PCDH8: variants seen among roughly 807,000 people sequenced by gnomAD.
The protein encoded by PCDH8 is protocadherin-8.
In PCDH8, 36 loss-of-function variants were observed where a neutral mutation model predicts 58.2. That is an observed-to-expected ratio of 0.62 (90% CI 0.47 to 0.82). The LOEUF (loss-of-function observed/expected upper bound fraction) is 0.82, where lower values mean the gene tolerates loss of function less well. Among genes scored for constraint, PCDH8 ranks in the 40% least tolerant of loss-of-function variants. The probability of loss-of-function intolerance (pLI) is 0.00; values close to 1 mark genes in which losing one functional copy is unlikely to be tolerated. For synonymous variants in PCDH8, 775 were observed against 728.9 expected, an observed-to-expected ratio of 1.06 and a Z score of -1.02; for missense variants, 1,493 against 1,567.8, an observed-to-expected ratio of 0.95 and a Z score of 0.81.
Position 52,845,894 on chromosome 13 carries a change from T to C in PCDH8, c.2543A>G (p.Glu848Gly). 6.7e-7 allele frequency: 1 copy of C among 1,483,786 alleles called. No individual in the cohort carries two copies. Among genetic ancestry groups the C allele is most frequent in the Non-Finnish European group, 8.9e-7 (1 of 1,128,460 alleles). The allele number at this position is 1,483,786 out of a possible 1,614,324, so 91.9% of individuals were successfully genotyped here. A position where few individuals can be genotyped will look rare whatever the true frequency, so the allele number is the denominator to read the frequency against. Reference protein sequence around the residue: ...DAPPPAVAAAEVPGSEGGSAT... With the variant: ...DAPPPAVAAAGVPGSEGGSAT... ...GCTGCCGCCCTCTGAGCCCGGCACT[T>C]CGGCCGCGGCGACCGCAGGCGGAGG... The change falls in exon 1 of 3, where the codon GAA becomes GGA. Residue 848 changes from glutamate to glycine, a missense_variant. Around this residue, in one of 3 missense-constraint regions of PCDH8, gnomAD observed 1,307 missense variants for 1,362.7 expected, o/e 0.96. Transcript: ENST00000377942.
chr13:52,846,625 G>A lies in PCDH8; in HGVS notation c.1812C>T (p.Asp604=). The change falls in exon 1 of 3, where the codon GAC becomes GAT. Residue 604 remains aspartate (D), a synonymous_variant. Coordinates refer to ENST00000377942, the MANE Select transcript of PCDH8 (RefSeq NM_002590.4). ...LVQVRVLDQN[D]HAPVLVHPAP... is the part of the protein sequence containing the mutation. ...CCGGGTGCACCAGGACTGGCGCATG[G>A]TCGTTCTGGTCCAGCACGCGCACTT... The A allele has an allele frequency of 6.2e-7, 1 of 1,605,158 alleles. No individual in the cohort carries two copies. Among genetic ancestry groups the A allele is most frequent in the Non-Finnish European group, 8.5e-7 (1 of 1,178,450 alleles).
chr13:52,847,891 G>T lies in PCDH8; in HGVS notation c.546C>A (p.Arg182=). The change falls in exon 1 of 3, where the codon CGC becomes CGA. Residue 182 remains arginine, a synonymous_variant. Coordinates refer to ENST00000377942, the MANE Select transcript of PCDH8 (RefSeq NM_002590.4). ...CGTCCGCTCGCGTCTGCAGCTCCAC[G>T]CGAAAGGGGCTGTGCGGCTCGGCCA... ...VRLAEPHSPF[R]VELQTRADGA... is the part of the protein sequence containing the mutation. 6.4e-7 allele frequency: 1 copy of T among 1,560,288 alleles called. No individual in the cohort carries two copies. The highest frequency in any genetic ancestry group is 8.6e-7 in the Non-Finnish European group (1 of 1,157,988).
chr13:52,845,236 A>AG (rs1382816701), intron 2 of PCDH8, among the ~76,000 whole-genome samples, 189 bp downstream of exon 2: 2 of 152,134 alleles, frequency 1.3e-5, no homozygotes, highest in Non-Finnish European at 2.9e-5. Context: ...TTTATTCAAG[A>AG]GCTGGAGTTG....
chr13:52,844,761 G>A lies in PCDH8; in HGVS notation c.3012C>T (p.Tyr1004=). 6.2e-7 allele frequency: 1 copy of A among 1,613,496 alleles called. No individual in the cohort carries two copies. The highest frequency in any genetic ancestry group is 1.3e-5 in the African/African-American group (1 of 75,026). ...PRDPLRRDNY[Y]QAQLPKTVGL... The stretch of plus-strand genomic sequence containing the variant: ...CCACTGTCTTGGGCAGCTGGGCCTG[G>A]TAGTAATTGTCCCTGCGCAGAGGAT... Residue 1004 remains tyrosine (Y), a synonymous_variant, in exon 3 of 3, where the codon TAC becomes TAT. Transcript: ENST00000377942.
chr13:52,846,973 G>A lies in PCDH8; in HGVS notation c.1464C>T (p.Gly488=), dbSNP rs1452500047. 6.3e-7 allele frequency: 1 copy of A among 1,594,410 alleles called. No homozygotes were observed. Among genetic ancestry groups the A allele is most frequent in the Non-Finnish European group, 8.5e-7 (1 of 1,173,528 alleles). ...RTVRPYTVRV[G]DENDNAPLFT... Reference sequence around the variant, plus strand: ...AGAGCGGCGCGTTGTCGTTCTCGTCGCCCACACGCACCGTGTAGGGCCGCA... The same window carrying A: ...AGAGCGGCGCGTTGTCGTTCTCGTCACCCACACGCACCGTGTAGGGCCGCA... The change falls in exon 1 of 3, where the codon GGC becomes GGT. Residue 488 remains glycine, a synonymous_variant. Transcript: ENST00000377942.
Position 52,847,303 on chromosome 13 carries a change from T to TGCAGCG in PCDH8, c.1128_1133dup (p.Ala377_Ala378dup). On this transcript the variant is annotated inframe_insertion, in exon 1 of 3. Coordinates refer to ENST00000377942, the MANE Select transcript of PCDH8 (RefSeq NM_002590.4). ...GCGAGCTAGCGTCCGCTCCCCCGAG[T>TGCAGCG]GCAGCGGCGGCGGCGGCAGCGGCGA... is the stretch of plus-strand genomic sequence containing the variant. 1 of 1,403,496 alleles carries TGCAGCG rather than the reference T, an allele frequency of 7.1e-7. No individual in the cohort carries two copies. Among genetic ancestry groups the TGCAGCG allele is most frequent in the African/African-American group, 1.5e-5 (1 of 66,954 alleles). The allele number at this position is 1,403,496 out of a possible 1,614,324, so 86.9% of individuals were successfully genotyped here. A position where few individuals can be genotyped will look rare whatever the true frequency, so the allele number is the denominator to read the frequency against.
chr13:52,846,795 C>A lies in PCDH8; in HGVS notation c.1642G>T (p.Val548Leu). 1.3e-6 allele frequency: 2 copies of A among 1,553,036 alleles called. No homozygotes were observed. The highest frequency in any genetic ancestry group is 1.7e-6 in the Non-Finnish European group (2 of 1,156,184). Residue 548 changes from valine (V) to leucine (L), a missense_variant, in exon 1 of 3, where the codon GTG becomes TTG. Val to Leu is a conservative substitution (Grantham distance 32). Around this residue, in one of 3 missense-constraint regions of PCDH8, gnomAD observed 1,307 missense variants for 1,362.7 expected, o/e 0.96. Coordinates refer to ENST00000377942, the MANE Select transcript of PCDH8 (RefSeq NM_002590.4). Reference protein sequence around the residue: ...EAEVGRAGGAVSTYVSVDPAT... With the variant: ...EAEVGRAGGALSTYVSVDPAT... ...GGGTCCACCGAGACATAAGTGGACA[C>A]GGCGCCCCCGGCGCGGCCCACCTCG...
At position 52,846,465 on chromosome 13, in the gene PCDH8, G is replaced by A. The variant is rs918552075; in HGVS notation, c.1972C>T (p.Pro658Ser). 8.8e-6 allele frequency: 14 copies of A among 1,598,670 alleles called. No individual in the cohort carries two copies. Among genetic ancestry groups the A allele is most frequent in the Non-Finnish European group, 1.2e-5 (14 of 1,179,366 alleles). ...CGGCCGATGGCGAAGGCTTCGCGCG[G>A]CTCCTGCTGCTGCAGCTCGAACGCC... The part of the protein sequence containing the change: ...ELAFELQQQE[P>S]REAFAIGRRT... The change falls in exon 1 of 3, where the codon CCG (proline) becomes TCG (serine). Residue 658 changes from proline (P) to serine (S), a missense_variant. Around this residue, in one of 3 missense-constraint regions of PCDH8, gnomAD observed 1,307 missense variants for 1,362.7 expected, o/e 0.96. Coordinates refer to ENST00000377942, the MANE Select transcript of PCDH8 (RefSeq NM_002590.4).
chr13:52,847,451 C>A lies in PCDH8; in HGVS notation c.986G>T (p.Arg329Leu). 2 of 1,587,620 alleles carry A rather than the reference C, an allele frequency of 1.3e-6. No individual in the cohort carries two copies. The highest frequency in any genetic ancestry group is 2.3e-5 in the South Asian group (2 of 88,778). Residue 329 changes from arginine (R) to leucine (L), a missense_variant, in exon 1 of 3, where the codon CGC becomes CTC. Arg to Leu is a moderately radical substitution (Grantham distance 102, BLOSUM62 -2). Transcript: ENST00000377942. The part of the protein sequence containing the change: ...TYELDVRAQD[R>L]GPGPRAATCK... ...GGTGGCAGCGCGGGGCCCGGGTCCG[C>A]GGTCCTGCGCCCGCACGTCCAGCTC...
rs1467507441 is a variant in PCDH8 at position 52,846,769 on chromosome 13, T to C, written c.1668A>G (p.Pro556=). 8.3e-6 allele frequency: 13 copies of C among 1,570,230 alleles called. No homozygotes were observed. The highest frequency in any genetic ancestry group is 1.1e-5 in the Non-Finnish European group (13 of 1,166,062). Reference sequence around the variant, plus strand: ...GCAGCGCGTAGATGGCTCCGGTAGCTGGGTCCACCGAGACATAAGTGGACA... The same window carrying C: ...GCAGCGCGTAGATGGCTCCGGTAGCCGGGTCCACCGAGACATAAGTGGACA... ...GAVSTYVSVD[P]ATGAIYALRS... The change falls in exon 1 of 3, where the codon CCA becomes CCG. Residue 556 remains proline (P), a synonymous_variant. Coordinates refer to ENST00000377942, the MANE Select transcript of PCDH8 (RefSeq NM_002590.4).
Position 52,845,914 on chromosome 13 carries a change from C to G in PCDH8, c.2523G>C (p.Pro841=). Residue 841 remains proline, a synonymous_variant, in exon 1 of 3, where the codon CCG becomes CCC. Coordinates refer to ENST00000377942, the MANE Select transcript of PCDH8 (RefSeq NM_002590.4). ...PFGSPAADAP[P]PAVAAAEVPG... Reference sequence around the variant, plus strand: ...GCACTTCGGCCGCGGCGACCGCAGGCGGAGGCGCGTCCGCCGCGGGGCTGC... The same window carrying G: ...GCACTTCGGCCGCGGCGACCGCAGGGGGAGGCGCGTCCGCCGCGGGGCTGC... 8 of 1,477,202 alleles carry G rather than the reference C, an allele frequency of 5.4e-6. No individual in the cohort carries two copies. Among genetic ancestry groups the G allele is most frequent in the Non-Finnish European group, 7.1e-6 (8 of 1,126,304 alleles). 91.5% of individuals were successfully genotyped at this position (1,477,202 alleles called of 1,614,324 possible).
In PCDH8 at chr13:52,846,228, G is replaced by A. The variant is rs1168083626; in HGVS notation, c.2209C>T (p.Leu737Phe). The A allele has an allele frequency of 6.3e-7, 1 of 1,585,710 alleles. No individual in the cohort carries two copies. The highest frequency in any genetic ancestry group is 8.5e-7 in the Non-Finnish European group (1 of 1,173,160). The change falls in exon 1 of 3, where the codon CTC (leucine) becomes TTC (phenylalanine). Residue 737 changes from leucine (L) to phenylalanine (F), a missense_variant. Leu to Phe is a conservative substitution (Grantham distance 22). Coordinates refer to ENST00000377942, the MANE Select transcript of PCDH8 (RefSeq NM_002590.4). ...PERSRPPGSR[L>F]GVSGSVLQWD... The stretch of plus-strand genomic sequence containing the variant: ...TGCAGCACCGACCCGGACACCCCGA[G>A]CCGAGAGCCAGGCGGGCGGGAACGC...
At position 52,846,391 on chromosome 13, in the gene PCDH8, G is replaced by A; in HGVS notation, c.2046C>T (p.Pro682=). 1.3e-6 allele frequency: 2 copies of A among 1,593,120 alleles called. No homozygotes were observed. The highest frequency in any genetic ancestry group is 8.5e-7 in the Non-Finnish European group (1 of 1,172,864). The change falls in exon 1 of 3, where the codon CCC becomes CCT. Residue 682 remains proline, a synonymous_variant. Transcript: ENST00000377942. ...LLTGDLSQEP[P]GRVFRALLVI... ...CCAGGAGCGCCCTGAACACGCGACC[G>A]GGTGGCTCCTGCGAGAGGTCGCCGG...
rs755906170 is a variant in PCDH8, at chr13:52,847,624, G to A, written c.813C>T (p.Ala271=). 10 of 1,575,200 alleles carry A rather than the reference G, an allele frequency of 6.3e-6. No individual in the cohort carries two copies. Among genetic ancestry groups the A allele is most frequent in the Non-Finnish European group, 8.6e-6 (10 of 1,169,450 alleles). Reference sequence around the variant, plus strand: ...CGCCGTTAGGTCCCTCGTCGGGGTCGGCTGCGTCCAGGTCGAGAAGCAGGG... The same window carrying A: ...CGCCGTTAGGTCCCTCGTCGGGGTCAGCTGCGTCCAGGTCGAGAAGCAGGG... ...VGSLLLDLDA[A]DPDEGPNGDV... is the part of the protein sequence containing the mutation. The change falls in exon 1 of 3, where the codon GCC becomes GCT. Residue 271 remains alanine, a synonymous_variant. Transcript: ENST00000377942.
Position 52,846,702 on chromosome 13 carries a change from T to C in PCDH8, c.1735A>G (p.Ile579Val), listed in dbSNP as rs1436792581. 1 of 1,598,948 alleles carries C rather than the reference T, an allele frequency of 6.3e-7. No individual in the cohort carries two copies. Among genetic ancestry groups the C allele is most frequent in the Admixed American group, 1.7e-5 (1 of 59,194 alleles). Reference sequence around the variant, plus strand: ...GGGGAGCCGCCGTCGCTAGCTTGGATGCGAACGTCGAGTTGGCGCAGCGTC... The same window carrying C: ...GGGGAGCCGCCGTCGCTAGCTTGGACGCGAACGTCGAGTTGGCGCAGCGTC... ...YETLRQLDVR[I>V]QASDGGSPQL... Residue 579 changes from isoleucine to valine, a missense_variant, in exon 1 of 3, where the codon ATC (isoleucine) becomes GTC (valine). Around this residue, in one of 3 missense-constraint regions of PCDH8, gnomAD observed 1,307 missense variants for 1,362.7 expected, o/e 0.96. Transcript: ENST00000377942.
chr13:52,844,893 G>A lies in PCDH8; in HGVS notation c.2880C>T (p.His960=), dbSNP rs760770328. Reference sequence around the variant, plus strand: ...AGGATGGGCTCCAGCAGCGGTCAGAGTGGCCCAGGATCTTACACTCAGCGG... The same window carrying A: ...AGGATGGGCTCCAGCAGCGGTCAGAATGGCCCAGGATCTTACACTCAGCGG... ...ACTAECKILG[H]SDRCWSPSCS... is the part of the protein sequence containing the mutation. Residue 960 remains histidine (H), a synonymous_variant, in exon 3 of 3, where the codon CAC becomes CAT. Transcript: ENST00000377942. 1.3e-6 allele frequency: 2 copies of A among 1,569,468 alleles called. No individual in the cohort carries two copies. Among genetic ancestry groups the A allele is most frequent in the African/African-American group, 1.3e-5 (1 of 74,076 alleles).
intron 2 of PCDH8, 149 bp from the exon 3 acceptor site, chr13:52,845,082 G>A: frequency 1.1e-6 from 1 of 880,544 alleles, no homozygotes; most frequent in African/African-American, 1.7e-5. Context: ...AAGAATCGAA[G>A]GCACATTGCT....
At position 52,846,731 on chromosome 13, in the gene PCDH8, T is replaced by A; in HGVS notation, c.1706A>T (p.Tyr569Phe). 1 of 1,591,786 alleles carries A rather than the reference T, an allele frequency of 6.3e-7. No individual in the cohort carries two copies. Among genetic ancestry groups the A allele is most frequent in the Non-Finnish European group, 8.5e-7 (1 of 1,174,884 alleles). ...AACGTCGAGTTGGCGCAGCGTCTCATAGTCGAAGCTGCGCAGCGCGTAGAT... is the reference window on the plus strand; with the variant it reads ...AACGTCGAGTTGGCGCAGCGTCTCAAAGTCGAAGCTGCGCAGCGCGTAGAT... ...GAIYALRSFDYETLRQLDVRI... is the reference protein window; with the variant it reads ...GAIYALRSFDFETLRQLDVRI... The change falls in exon 1 of 3, where the codon TAT (tyrosine) becomes TTT (phenylalanine). Residue 569 changes from tyrosine to phenylalanine, a missense_variant. Coordinates refer to ENST00000377942, the MANE Select transcript of PCDH8 (RefSeq NM_002590.4).
rs1172785955 is a variant in PCDH8 at position 52,846,772 on chromosome 13, G to C, written c.1665C>G (p.Asp555Glu). The change falls in exon 1 of 3, where the codon GAC (aspartate) becomes GAG (glutamate). Residue 555 changes from aspartate to glutamate, a missense_variant. This residue lies in a region of PCDH8 where 1,307 missense variants were observed against 1,362.7 expected (regional missense o/e 0.96). Transcript: ENST00000377942. ...GCGCGTAGATGGCTCCGGTAGCTGG[G>C]TCCACCGAGACATAAGTGGACACGG... ...GGAVSTYVSV[D>E]PATGAIYALR... The C allele has an allele frequency of 6.4e-7, 1 of 1,572,708 alleles. No individual in the cohort carries two copies. The highest frequency in any genetic ancestry group is 8.6e-7 in the Non-Finnish European group (1 of 1,166,784).
Sources: allele counts gnomAD v4.1 joint callset (sites outside exome capture counted in the v4.1 genomes callset), GRCh38; gene constraint gnomAD v4.1.1; regional missense constraint gnomAD v4.1.1; transcripts MANE v1.5; gene names NCBI Gene and HGNC (gene_info 2026-07-23, HGNC 2026-07-21).